The following DLG2 variants were observed in gnomAD, a reference collection of about 807,000 sequenced individuals.
The protein encoded by DLG2 is disks large homolog 2.
Under a neutral mutation model 132.5 loss-of-function variants are expected in DLG2, and 45 were observed. That is an observed-to-expected ratio of 0.34 (90% confidence interval 0.27 to 0.44). DLG2 has a LOEUF of 0.44. DLG2 is among the 20% of genes least tolerant of loss of function. DLG2 has a pLI of 1.00. For missense variants in DLG2, 1,045 were observed against 1,196.9 expected, an observed-to-expected ratio of 0.87 and a Z score of 1.87; for synonymous variants, 424 against 419.6, an observed-to-expected ratio of 1.01 and a Z score of -0.13.
At chr11:85,503,456 G>A (rs1414268512) in intron 3 of DLG2, among the ~76,000 whole-genome samples, 1 of 152,024 alleles carries the variant, frequency 6.6e-6, no homozygotes, top group African/African-American at 2.4e-5. Flanking sequence ...TATCCAGGAT[G>A]GGTGCTATGG....
At chr11:85,201,847 A>C (rs1305422003) in intron 4 of DLG2, among the ~76,000 whole-genome samples, 1 of 152,160 alleles carries the variant, frequency 6.6e-6, no homozygotes, top group Non-Finnish European at 1.5e-5. Context: ...AACTTCAAAG[A>C]ATACAGAGGA....
chr11:85,286,035 A>G (rs76348320), intron 3 of DLG2: 9,744 of 402,660 alleles, frequency 0.024, 171 homozygotes, highest in Non-Finnish European at 0.033. Flanking sequence ...AAGGAATGTA[A>G]CTGTATTACA....
At chr11:85,125,081 C>T (rs1388536112) in intron 5 of DLG2, among the ~76,000 whole-genome samples, 2 of 152,174 alleles carry the variant, frequency 1.3e-5, no homozygotes, top group Non-Finnish European at 2.9e-5. Flanking sequence ...CTGCCCGTCT[C>T]GGCCTCCCAA....
intron 19 of DLG2, among the ~76,000 whole-genome samples, chr11:83,564,260 A>T (rs1487638940): frequency 6.6e-6 from 1 of 152,188 alleles, no homozygotes; most frequent in African/African-American, 2.4e-5. Context: ...GAAAAATGTT[A>T]AATTCATTAG....
At chr11:84,730,609 A>G (rs2063043154) in intron 6 of DLG2, among the ~76,000 whole-genome samples, 1 of 152,068 alleles carries the variant, frequency 6.6e-6, no homozygotes, top group South Asian at 2.1e-4. Context: ...GAAAGCAGCA[A>G]TTCATGGGAA....
chr11:84,839,603 G>T (rs771031124), intron 6 of DLG2, among the ~76,000 whole-genome samples: 1 of 152,074 alleles, frequency 6.6e-6, no homozygotes, highest in Non-Finnish European at 1.5e-5. Flanking sequence ...ATATTACAAG[G>T]CTACAGTAAC....
At chr11:84,680,614 G>C (rs533715431) in intron 6 of DLG2, among the ~76,000 whole-genome samples, 1 of 152,248 alleles carries the variant, frequency 6.6e-6, no homozygotes, top group East Asian at 1.9e-4. Flanking sequence ...AATCTGATGG[G>C]CTTGAAATAA....
At chr11:83,996,309 A>G (rs1357389254) in intron 11 of DLG2, among the ~76,000 whole-genome samples, 1 of 152,208 alleles carries the variant, frequency 6.6e-6, no homozygotes, top group South Asian at 2.1e-4. Flanking sequence ...CTATGTCCAA[A>G]AGAAAGGTAA....
intron 10 of DLG2, among the ~76,000 whole-genome samples, chr11:84,095,243 G>A (rs1243354057): frequency 6.6e-6 from 1 of 152,066 alleles, no homozygotes; most frequent in Non-Finnish European, 1.5e-5. Flanking sequence ...AGGAGAAAGG[G>A]GAAAACGGTG....
chr11:85,248,244 C>T (rs1182461140), intron 4 of DLG2, among the ~76,000 whole-genome samples: 1 of 152,054 alleles, frequency 6.6e-6, no homozygotes, highest in Non-Finnish European at 1.5e-5. Flanking sequence ...AAGGCATAAC[C>T]TCTGTTAGTG....
chr11:84,325,805 G>A (rs931410347), intron 7 of DLG2, among the ~76,000 whole-genome samples: 1 of 152,130 alleles, frequency 6.6e-6, no homozygotes, highest in Admixed American at 6.5e-5. Context: ...TATTTTGGAA[G>A]AGTTTGAGAA....
chr11:83,840,526 A>G (rs2057309893), intron 16 of DLG2, among the ~76,000 whole-genome samples: 1 of 152,174 alleles, frequency 6.6e-6, no homozygotes, highest in Non-Finnish European at 1.5e-5. Context: ...AATATAGCAA[A>G]CTGGAAGACA....
intron 7 of DLG2, among the ~76,000 whole-genome samples, chr11:84,509,804 G>C (rs890058299): frequency 2.2e-4 from 33 of 151,918 alleles, no homozygotes; most frequent in African/African-American, 7.7e-4. Context: ...AACAAAATGT[G>C]ATCTAATATA....
At chr11:84,665,933 G>A (rs746611644) in intron 6 of DLG2, among the ~76,000 whole-genome samples, 18 of 152,086 alleles carry the variant, frequency 1.2e-4, no homozygotes, top group Non-Finnish European at 1.2e-4. Flanking sequence ...GTTTTATTTT[G>A]TAACTGAGTT....
At chr11:85,135,930 GA>G (rs2076112252) in intron 5 of DLG2, among the ~76,000 whole-genome samples, 1 of 152,156 alleles carries the variant, frequency 6.6e-6, no homozygotes, top group African/African-American at 2.4e-5. Context: ...ATTTAACCCA[GA>G]ATGGAGCAGT....
At chr11:84,689,493 T>C (rs545026604) in intron 6 of DLG2, among the ~76,000 whole-genome samples, 1 of 152,270 alleles carries the variant, frequency 6.6e-6, no homozygotes, top group African/African-American at 2.4e-5. Flanking sequence ...TGACTCACTT[T>C]ACTGGTGTGA....
chr11:83,860,972 C>T (rs2061364560), intron 16 of DLG2, among the ~76,000 whole-genome samples: 1 of 152,172 alleles, frequency 6.6e-6, no homozygotes, highest in Non-Finnish European at 1.5e-5. Context: ...CTACTCCTTG[C>T]CTTCCACCAT....
intron 11 of DLG2, among the ~76,000 whole-genome samples, chr11:84,049,029 C>T (rs753905997): frequency 4.0e-5 from 6 of 151,366 alleles, no homozygotes; most frequent in Non-Finnish European, 8.9e-5. Context: ...AGCCAAATGA[C>T]TAATGTCAGG....
At chr11:84,817,886 C>T (rs765586009) in intron 6 of DLG2, among the ~76,000 whole-genome samples, 2 of 151,888 alleles carry the variant, frequency 1.3e-5, no homozygotes, top group Non-Finnish European at 2.9e-5. Flanking sequence ...TCACATAATT[C>T]AGTGGACAAT....
Sources: allele counts gnomAD v4.1 joint callset (sites outside exome capture counted in the v4.1 genomes callset), GRCh38; gene constraint gnomAD v4.1.1; transcripts MANE v1.5; gene names NCBI Gene and HGNC (gene_info 2026-07-23, HGNC 2026-07-21).